The following NALF1 variants were observed in gnomAD, a reference collection of about 807,000 sequenced individuals.
The protein encoded by NALF1 is NALCN channel auxiliary factor 1.
In NALF1, 3 loss-of-function variants were observed where a neutral mutation model predicts 48.4. The ratio of observed to expected loss-of-function variants is 0.06; its 90% CI spans 0.03 to 0.16. The LOEUF (loss-of-function observed/expected upper bound fraction) is 0.16, where lower values mean the gene tolerates loss of function less well. Among genes scored for constraint, NALF1 ranks in the 10% least tolerant of loss-of-function variants. The probability of loss-of-function intolerance (pLI) is 1.00; values close to 1 mark genes in which losing one functional copy is unlikely to be tolerated. For synonymous variants in NALF1, 262 were observed against 245.7 expected, an observed-to-expected ratio of 1.07 and a Z score of -0.62; for missense variants, 526 against 571.5, an observed-to-expected ratio of 0.92 and a Z score of 0.81.
At position 107,786,155 on chromosome 13, in the gene NALF1, G is replaced by A. The variant is rs201312049; in HGVS notation, c.915+79527C>T. ...TTAATGGGCAGGGTGAGGTGCTCAT[G>A]CCTGTAATCCCAGCACTTTGGGAGG... On this transcript the variant is annotated intron_variant, in intron 1 of 2. Coordinates refer to ENST00000375915, the MANE Select transcript of NALF1 (RefSeq NM_001080396.3). Among the ~76,000 whole-genome samples the A allele has an allele frequency of 2.0e-5, 3 of 152,112 alleles. No homozygotes were observed. The East Asian group carries it at 5.8e-4, about 29-fold the overall frequency.
intron 1 of NALF1, among the ~76,000 whole-genome samples, chr13:107,507,252 A>T (rs1875726313): frequency 6.6e-6 from 1 of 152,018 alleles, no homozygotes; most frequent in African/African-American, 2.4e-5. Context: ...GGTTGTAGGT[A>T]ACTACAGGTT....
chr13:107,583,398 T>G (rs1878369202), intron 1 of NALF1, among the ~76,000 whole-genome samples: 2 of 152,164 alleles, frequency 1.3e-5, no homozygotes. Flanking sequence ...TCAGATCACT[T>G]TTAAGTTATG....
At chr13:107,247,960 CA>C (rs1880617108) in intron 1 of NALF1, among the ~76,000 whole-genome samples, 1 of 152,008 alleles carries the variant, frequency 6.6e-6, no homozygotes, top group Admixed American at 6.6e-5. Context: ...GGTGGCTTAG[CA>C]AAGACGTGAA....
At chr13:107,233,032 T>C (rs903269328) in intron 1 of NALF1, among the ~76,000 whole-genome samples, 4 of 152,192 alleles carry the variant, frequency 2.6e-5, no homozygotes, top group African/African-American at 7.2e-5. Context: ...CCCCATATTC[T>C]TTTCTGACCG....
chr13:107,738,163 A>G (rs1445406988), intron 1 of NALF1, among the ~76,000 whole-genome samples: 1 of 152,192 alleles, frequency 6.6e-6, no homozygotes, highest in East Asian at 1.9e-4. Flanking sequence ...AATAACTGTG[A>G]CATTTTTGGG....
intron 1 of NALF1, among the ~76,000 whole-genome samples, chr13:107,627,003 A>C (rs1879691566): frequency 6.6e-6 from 1 of 152,120 alleles, no homozygotes; most frequent in Non-Finnish European, 1.5e-5. Flanking sequence ...ATTGTTCCTC[A>C]TTCTTCTCTA....
chr13:107,267,489 A>G (rs2138859661), intron 1 of NALF1, among the ~76,000 whole-genome samples: 1 of 152,294 alleles, frequency 6.6e-6, no homozygotes, highest in South Asian at 2.1e-4. Flanking sequence ...TGGTCTATAC[A>G]GTAGTCCCCT....
At chr13:107,748,077 C>T (rs1876834443) in intron 1 of NALF1, among the ~76,000 whole-genome samples, 1 of 152,144 alleles carries the variant, frequency 6.6e-6, no homozygotes, top group Non-Finnish European at 1.5e-5. Context: ...ATCCCAACTA[C>T]AATAATCTAG....
In NALF1 at chr13:107,766,521, A is replaced by G. The variant is rs537968974; in HGVS notation, c.915+99161T>C. Among the ~76,000 whole-genome samples, 3 of 152,308 alleles carry G rather than the reference A, an allele frequency of 2.0e-5. No homozygotes were observed. The East Asian group carries it at 5.8e-4, about 29-fold the overall frequency. ...TGGTGATGGGGGAGAACTTAACTGA[A>G]GTCTGTAGTGAATTTATTGTCTCAA... On this transcript the variant is annotated intron_variant, in intron 1 of 2. Transcript: ENST00000375915.
intron 1 of NALF1, among the ~76,000 whole-genome samples, chr13:107,511,967 G>T (rs565641138): frequency 2.6e-5 from 4 of 152,294 alleles, no homozygotes; most frequent in South Asian, 4.1e-4. Flanking sequence ...AATGTTTCTG[G>T]CTGTCTTTGA....
chr13:107,598,381 T>C (rs1031202475), intron 1 of NALF1, among the ~76,000 whole-genome samples: 63 of 152,200 alleles, frequency 4.1e-4, no homozygotes, highest in Admixed American at 4.6e-4. Context: ...TTTTAAGTAA[T>C]CACTGTCAGT....
intron 1 of NALF1, among the ~76,000 whole-genome samples, chr13:107,715,018 G>A (rs1296484269): frequency 1.3e-5 from 2 of 151,684 alleles, no homozygotes; most frequent in Non-Finnish European, 2.9e-5. Flanking sequence ...TTATTTTTGT[G>A]CTTATATAGT....
Position 107,556,290 on chromosome 13 carries a change from TATATATACACACACAC to T in NALF1, c.915+309376_915+309391del, listed in dbSNP as rs1877475200. ...CTCTCAACATATATATATATATATA[TATATATACACACACAC>T]ACACACACACACATATATATATATA... On this transcript the variant is annotated intron_variant, in intron 1 of 2. Coordinates refer to ENST00000375915, the MANE Select transcript of NALF1 (RefSeq NM_001080396.3). 3.6e-5 allele frequency among the ~76,000 whole-genome samples: 5 copies of T among 137,462 alleles called. No individual in the cohort carries two copies. The South Asian group carries it at 9.5e-4, about 26-fold the overall frequency. The allele number at this position is 137,462 out of a possible 152,430, so 90.2% of individuals were successfully genotyped here.
chr13:107,621,036 T>C (rs1879505632), intron 1 of NALF1, among the ~76,000 whole-genome samples: 1 of 152,096 alleles, frequency 6.6e-6, no homozygotes, highest in Admixed American at 6.6e-5. Context: ...GGATGCCTGC[T>C]ACCCAAATCT....
chr13:107,775,535 T>C (rs960981231), intron 1 of NALF1, among the ~76,000 whole-genome samples: 1 of 151,954 alleles, frequency 6.6e-6, no homozygotes. Context: ...TGTGTCCTTA[T>C]AGCAGCATGA....
rs117877961 is a variant in NALF1, at chr13:107,183,376, C to T, written c.1088-12590G>A. Among the ~76,000 whole-genome samples the T allele has an allele frequency of 9.9e-3, 1,503 of 152,296 alleles. 10 individuals carry two copies. The highest frequency in any genetic ancestry group is 0.017 in the Non-Finnish European group (1,141 of 68,026). The stretch of plus-strand genomic sequence containing the variant: ...TAGAGAGGATGTGGGGAAATAGGAA[C>T]ACTTTTATACTGTTGGCGGGAATGT... On this transcript the variant is annotated intron_variant, in intron 2 of 2. Coordinates refer to ENST00000375915, the MANE Select transcript of NALF1 (RefSeq NM_001080396.3).
chr13:107,574,026 T>G (rs908149430), intron 1 of NALF1, among the ~76,000 whole-genome samples: 1 of 152,202 alleles, frequency 6.6e-6, no homozygotes, highest in African/African-American at 2.4e-5. Flanking sequence ...GGACACAGAA[T>G]AGTAGAACAT....
intron 1 of NALF1, among the ~76,000 whole-genome samples, chr13:107,267,519 T>C (rs992788690): frequency 1.3e-4 from 20 of 152,266 alleles, no homozygotes; most frequent in Middle Eastern, 6.8e-3. Flanking sequence ...AAAACACATA[T>C]ACAGTAGAGA....
At chr13:107,368,169 C>T (rs1451650529) in intron 1 of NALF1, among the ~76,000 whole-genome samples, 2 of 151,912 alleles carry the variant, frequency 1.3e-5, no homozygotes, top group African/African-American at 2.4e-5. Flanking sequence ...GGTTATTGCC[C>T]CATACTAAAA....
Sources: allele counts gnomAD v4.1 joint callset (sites outside exome capture counted in the v4.1 genomes callset), GRCh38; gene constraint gnomAD v4.1.1; transcripts MANE v1.5; gene names NCBI Gene and HGNC (gene_info 2026-07-23, HGNC 2026-07-21).